The following PUS10 variants were observed in gnomAD, a reference collection of about 807,000 sequenced individuals.
PUS10 encodes the protein pseudouridine synthase 10.
Under a neutral mutation model 75.0 loss-of-function variants are expected in PUS10, and 59 were observed. That is an observed-to-expected ratio of 0.79 (90% CI 0.64 to 0.98). The LOEUF (loss-of-function observed/expected upper bound fraction) is 0.98, where lower values mean the gene tolerates loss of function less well. Ranked by LOEUF, PUS10 falls within the 50% of genes least tolerant of loss-of-function variation. The pLI is 0.00. For synonymous variants in PUS10, 219 were observed against 211.6 expected, an observed-to-expected ratio of 1.03 and a Z score of -0.30; for missense variants, 650 against 614.4, an observed-to-expected ratio of 1.06 and a Z score of -0.61.
chr2:60,987,104 G>C (rs1677770767), intron 4 of PUS10, among the ~76,000 whole-genome samples: 1 of 152,178 alleles, frequency 6.6e-6, no homozygotes, highest in African/African-American at 2.4e-5. Context: ...TCTAGTTTTA[G>C]TCTAAAAGTT....
At chr2:60,947,952 C>T (rs1027166566) in intron 16 of PUS10, 91 bp downstream of exon 16, 8 of 1,403,390 alleles carry the variant, frequency 5.7e-6, no homozygotes, top group Non-Finnish European at 8.0e-6. Context: ...GAATCCCTCC[C>T]AGACCAAGCT....
intron 11 of PUS10, among the ~76,000 whole-genome samples, chr2:60,959,981 C>T (rs186588324): frequency 4.0e-4 from 61 of 151,616 alleles, no homozygotes; most frequent in Non-Finnish European, 7.2e-4. Context: ...GAGTTCGAGA[C>T]CAGCCTGGGC....
intron 4 of PUS10, among the ~76,000 whole-genome samples, chr2:60,987,761 A>G (rs1214583814): frequency 6.6e-6 from 1 of 152,128 alleles, no homozygotes; most frequent in Non-Finnish European, 1.5e-5. Context: ...CATCTCTACT[A>G]AAAACACAAA....
chr2:60,994,473 G>T (rs1372641557), intron 4 of PUS10, among the ~76,000 whole-genome samples: 6 of 151,690 alleles, frequency 4.0e-5, no homozygotes, highest in Non-Finnish European at 8.8e-5. Context: ...TAAAATATTT[G>T]ACTCAAAACA....
chr2:60,956,260 CT>C (rs1167738621), intron 11 of PUS10, among the ~76,000 whole-genome samples: 2 of 152,268 alleles, frequency 1.3e-5, no homozygotes, highest in East Asian at 3.9e-4. Flanking sequence ...TCGGTATCTT[CT>C]AATCAGAGTC....
At chr2:61,014,425 AAATT>A (rs1308635163) in intron 1 of PUS10, among the ~76,000 whole-genome samples, 1 of 152,140 alleles carries the variant, frequency 6.6e-6, no homozygotes, top group Non-Finnish European at 1.5e-5. Flanking sequence ...CAACAAAAAC[AAATT>A]AAGTACAAAA....
At position 61,011,884 on chromosome 2, in the gene PUS10, G is replaced by A; in HGVS notation, c.7C>T (p.Pro3Ser). 6.3e-7 allele frequency: 1 copy of A among 1,596,672 alleles called. No individual in the cohort carries two copies. The highest frequency in any genetic ancestry group is 8.5e-7 in the Non-Finnish European group (1 of 1,174,984). Reference sequence around the variant, plus strand: ...ACATGCTTGTTTTCCTCAGTCAGTGGGAACATATTGAATAATTATAACTAG... The same window carrying A: ...ACATGCTTGTTTTCCTCAGTCAGTGAGAACATATTGAATAATTATAACTAG... MFPLTEENKHVAQ... is the reference protein window; with the variant it reads MFSLTEENKHVAQ... The change falls in exon 2 of 18, where the codon CCA becomes TCA. Residue 3 changes from proline to serine, a missense_variant. By Grantham distance (74) the Pro-to-Ser change is moderately conservative (BLOSUM62 -1). Coordinates refer to ENST00000316752, the MANE Select transcript of PUS10 (RefSeq NM_144709.4).
chr2:60,942,292 C>G lies in PUS10; in HGVS notation c.*103G>C. ...AGATCAACATGATCCAAATAGTTTT[C>G]AAGACACCGTTATGGTGGGTAAACA... On this transcript the variant is annotated 3_prime_UTR_variant, in exon 18 of 18. Coordinates refer to ENST00000316752, the MANE Select transcript of PUS10 (RefSeq NM_144709.4). 2 of 906,134 alleles carry G rather than the reference C, an allele frequency of 2.2e-6. No individual in the cohort carries two copies. Among genetic ancestry groups the G allele is most frequent in the Non-Finnish European group, 3.7e-6 (2 of 539,668 alleles). The allele number at this position is 906,134 out of a possible 1,614,324, so 56.1% of individuals were successfully genotyped here.
chr2:60,956,554 A>G (rs1675665579), intron 11 of PUS10, among the ~76,000 whole-genome samples: 1 of 152,376 alleles, frequency 6.6e-6, no homozygotes, highest in Middle Eastern at 3.4e-3. Flanking sequence ...TAAGTCAGCC[A>G]TAAAACTTCC....
chr2:60,954,459 A>C (rs1675531308), intron 12 of PUS10, among the ~76,000 whole-genome samples: 1 of 152,218 alleles, frequency 6.6e-6, no homozygotes, highest in African/African-American at 2.4e-5. Context: ...TAGTTACACT[A>C]ATGTAAAGTT....
At chr2:61,005,903 C>T (rs567633420) in intron 4 of PUS10, among the ~76,000 whole-genome samples, 1 of 152,166 alleles carries the variant, frequency 6.6e-6, no homozygotes, top group Non-Finnish European at 1.5e-5. Flanking sequence ...AGGGGAAAGA[C>T]ATCTCATAAA....
chr2:60,966,932 C>T (rs1043648199), intron 6 of PUS10: 2 of 152,278 alleles, frequency 1.3e-5, no homozygotes, highest in Admixed American at 6.6e-5. Flanking sequence ...CACCTGGAAG[C>T]CTGTTGAGTC....
chr2:60,948,399 T>A (rs13432127), intron 15 of PUS10, among the ~76,000 whole-genome samples: 2,214 of 152,284 alleles, frequency 0.015, 57 homozygotes, highest in African/African-American at 0.051. Flanking sequence ...CTGATTTTTG[T>A]ATTTTTTTGA....
At position 60,991,716 on chromosome 2, in the gene PUS10, A is replaced by AT. The variant is rs1678092543; in HGVS notation, c.468+14840dup. On this transcript the variant is annotated intron_variant, in intron 4 of 17. Coordinates refer to ENST00000316752, the MANE Select transcript of PUS10 (RefSeq NM_144709.4). Reference sequence around the variant, plus strand: ...TAAATGCATAACTTCTAAGATAATGATATGTGTGAGGGGGTAGAATTCAAA... The same window carrying AT: ...TAAATGCATAACTTCTAAGATAATGATTATGTGTGAGGGGGTAGAATTCAAA... Among the ~76,000 whole-genome samples the AT allele has an allele frequency of 3.3e-5, 5 of 152,364 alleles. No individual in the cohort carries two copies. In the South Asian group the frequency reaches 1.0e-3, roughly 32 times the overall value.
At chr2:61,013,432 G>A (rs1679760280) in intron 1 of PUS10, among the ~76,000 whole-genome samples, 1 of 152,158 alleles carries the variant, frequency 6.6e-6, no homozygotes, top group Non-Finnish European at 1.5e-5. Flanking sequence ...CCACTGAGTT[G>A]ATTACCTTTT....
rs1014145105 is a variant in PUS10, at chr2:61,006,785, A to T, written c.382-142T>A. The T allele has an allele frequency of 1.6e-5, 10 of 625,942 alleles. No individual in the cohort carries two copies. The African/African-American group carries it at 1.9e-4, about 12-fold the overall frequency. 38.8% of individuals were successfully genotyped at this position (625,942 alleles called of 1,614,324 possible). A position where few individuals can be genotyped will look rare whatever the true frequency, so the allele number is the denominator to read the frequency against. ...TCACATTTGACAGTGGAACACTCACAAATATCTTGAGATTAAATATTGCCT... is the reference window on the plus strand; with the variant it reads ...TCACATTTGACAGTGGAACACTCACTAATATCTTGAGATTAAATATTGCCT... On this transcript the variant is annotated intron_variant, in intron 3 of 17. Transcript: ENST00000316752.
At chr2:60,972,978 G>C (rs774285919) in intron 4 of PUS10, among the ~76,000 whole-genome samples, 39 of 152,330 alleles carry the variant, frequency 2.6e-4, no homozygotes, top group Non-Finnish European at 5.1e-4. Flanking sequence ...TGCTGCAGCC[G>C]GGAGGTGTGG....
chr2:61,010,413 C>A lies in PUS10; in HGVS notation c.126+1352G>T, dbSNP rs527786105. Reference sequence around the variant, plus strand: ...GGCTCACTGCAACCTCCGCACCCCCCACCCCTGGGTTCAAGCAATTCTCCT... The same window carrying A: ...GGCTCACTGCAACCTCCGCACCCCCAACCCCTGGGTTCAAGCAATTCTCCT... On this transcript the variant is annotated intron_variant, in intron 2 of 17. Transcript: ENST00000316752. 2.6e-3 allele frequency: 474 copies of A among 185,444 alleles called. 1 individual carries two copies. Among genetic ancestry groups the A allele is most frequent in the Middle Eastern group, 0.01 (4 of 396 alleles). 11.5% of individuals were successfully genotyped at this position (185,444 alleles called of 1,614,324 possible).
At chr2:60,971,501 A>C in intron 5 of PUS10, 22 bp downstream of exon 5, 1 of 1,608,936 alleles carries the variant, frequency 6.2e-7, no homozygotes, top group Non-Finnish European at 8.5e-7. Context: ...GGTAGTAAAA[A>C]TTCCCTACCT....
Sources: gnomAD v4.1 joint callset for allele counts (sites outside exome capture counted in the v4.1 genomes callset) on GRCh38, gnomAD v4.1.1 for gene constraint, MANE v1.5 for transcripts, NCBI Gene and HGNC (gene_info 2026-07-23, HGNC 2026-07-21) for gene names.